The following KANSL1L variants were observed in gnomAD, a reference collection of about 807,000 sequenced individuals.
The protein encoded by KANSL1L is KAT8 regulatory NSL complex subunit 1-like protein.
Under a neutral mutation model 108.6 loss-of-function variants are expected in KANSL1L, and 25 were observed. That is an observed-to-expected ratio of 0.23 (90% CI 0.17 to 0.32). KANSL1L has a LOEUF of 0.32. Among genes scored for constraint, KANSL1L ranks in the 10% least tolerant of loss-of-function variants. The pLI, the probability that KANSL1L is intolerant of heterozygous loss-of-function variation, is 1.00. For synonymous variants in KANSL1L, 405 were observed against 395.1 expected (o/e 1.03, Z -0.30); for missense variants, 1,137 against 1,125.7 (o/e 1.01, Z -0.14).
chr2:210,115,004 T>C (rs2094940929), intron 3 of KANSL1L, among the ~76,000 whole-genome samples: 1 of 151,110 alleles, frequency 6.6e-6, no homozygotes, highest in Non-Finnish European at 1.5e-5. Context: ...CAACTAAACA[T>C]AACAGAAGAC....
intron 2 of KANSL1L, among the ~76,000 whole-genome samples, chr2:210,140,480 T>C (rs1390494809): frequency 2.6e-5 from 4 of 152,210 alleles, no homozygotes; most frequent in African/African-American, 9.6e-5. Flanking sequence ...CATGGATTTA[T>C]TTCTAGGCTC....
intron 10 of KANSL1L, 23 bp downstream of exon 10, chr2:210,029,780 G>C (rs946581803): frequency 1.6e-6 from 2 of 1,214,650 alleles, no homozygotes; most frequent in Non-Finnish European, 2.4e-6. Context: ...CTATTTTAGA[G>C]TTCAACATAT....
intron 1 of KANSL1L, among the ~76,000 whole-genome samples, chr2:210,168,334 G>A (rs1036633687): frequency 2.0e-5 from 3 of 151,768 alleles, no homozygotes; most frequent in Non-Finnish European, 4.4e-5. Flanking sequence ...ACAAAATAAG[G>A]GTATGGAGAG....
intron 1 of KANSL1L, among the ~76,000 whole-genome samples, chr2:210,159,547 C>G (rs181274106): frequency 2.1e-3 from 319 of 152,268 alleles, no homozygotes; most frequent in Non-Finnish European, 3.5e-3. Context: ...AGAATAATGC[C>G]TGGCACACAG....
chr2:210,134,751 T>C (rs2125564989), intron 2 of KANSL1L, among the ~76,000 whole-genome samples: 1 of 152,224 alleles, frequency 6.6e-6, no homozygotes, highest in Admixed American at 6.5e-5. Flanking sequence ...TATTTTCACA[T>C]ATAACTGACA....
At chr2:210,134,040 A>C (rs988024251) in intron 2 of KANSL1L, among the ~76,000 whole-genome samples, 1 of 152,120 alleles carries the variant, frequency 6.6e-6, no homozygotes, top group Admixed American at 6.6e-5. Flanking sequence ...TTCACTGGGC[A>C]GAGAATTTTA....
At chr2:210,145,581 C>T (rs779281300) in intron 2 of KANSL1L, among the ~76,000 whole-genome samples, 12 of 152,128 alleles carry the variant, frequency 7.9e-5, no homozygotes, top group African/African-American at 1.4e-4. Context: ...AGCTCCAGGG[C>T]GCAGGATACA....
chr2:210,171,172 T>TCCG lies in KANSL1L; in HGVS notation c.-56_-54dup, dbSNP rs981059011. On this transcript the variant is annotated 5_prime_UTR_variant, in exon 1 of 15. Transcript: ENST00000281772. Reference sequence around the variant, plus strand: ...GCCTGCTGGGGCGCCCTGGCTCCCCTCCGCCGCCGCACCTTCGGTCCGGCC... The same window carrying TCCG: ...GCCTGCTGGGGCGCCCTGGCTCCCCTCCGCCGCCGCCGCACCTTCGGTCCGGCC... 1.6e-4 allele frequency: 25 copies of TCCG among 154,220 alleles called. No individual in the cohort carries two copies. Among genetic ancestry groups the TCCG allele is most frequent in the South Asian group, 5.3e-4 (3 of 5,656 alleles). The allele number at this position is 154,220 out of a possible 1,614,324, so 9.6% of individuals were successfully genotyped here. A position where few individuals can be genotyped will look rare whatever the true frequency, so the allele number is the denominator to read the frequency against.
chr2:210,107,381 G>T (rs924570445), intron 3 of KANSL1L, among the ~76,000 whole-genome samples: 9 of 151,970 alleles, frequency 5.9e-5, no homozygotes, highest in Admixed American at 5.2e-4. Context: ...TTCTGAGGGT[G>T]AGAAGAATCT....
At chr2:210,033,829 C>T (rs1212663100) in intron 8 of KANSL1L, among the ~76,000 whole-genome samples, 8 of 152,114 alleles carry the variant, frequency 5.3e-5, no homozygotes, top group South Asian at 2.1e-4. Flanking sequence ...TGAGCCACCG[C>T]GCCCGGCCAA....
rs762004974 is a variant in KANSL1L at position 210,023,042 on chromosome 2, T to C, written c.2871A>G (p.Pro957=). The C allele has an allele frequency of 6.2e-7, 1 of 1,613,984 alleles. No individual in the cohort carries two copies. Among genetic ancestry groups the C allele is most frequent in the South Asian group, 1.1e-5 (1 of 91,072 alleles). Residue 957 remains proline, a synonymous_variant, in exon 15 of 15, where the codon CCA becomes CCG. Coordinates refer to ENST00000281772, the MANE Select transcript of KANSL1L (RefSeq NM_152519.4). ...FHGEIFGTSV[P]ENGHHPKKQS... is the part of the protein sequence containing the mutation. Reference sequence around the variant, plus strand: ...GCTTTTTTGGATGGTGGCCATTCTCTGGTACACTGGTACCGAAGATTTCAC... The same window carrying C: ...GCTTTTTTGGATGGTGGCCATTCTCCGGTACACTGGTACCGAAGATTTCAC...
In KANSL1L at chr2:210,055,417, T is replaced by C. The variant is rs577486038; in HGVS notation, c.1756-11313A>G. ...GGATGCCGGAAAATGTGGAAGTGAC[T>C]TTGGAACTGGGTAACAGGAAGAGAC... On this transcript the variant is annotated intron_variant, in intron 6 of 14. Coordinates refer to ENST00000281772, the MANE Select transcript of KANSL1L (RefSeq NM_152519.4). 5.3e-5 allele frequency among the ~76,000 whole-genome samples: 8 copies of C among 152,262 alleles called. No homozygotes were observed. In the South Asian group the frequency reaches 1.7e-3, roughly 32 times the overall value.
At chr2:210,162,230 ATATATATATATATG>A (rs1454307552) in intron 1 of KANSL1L, among the ~76,000 whole-genome samples, 1 of 142,026 alleles carries the variant, frequency 7.0e-6, no homozygotes, top group Non-Finnish European at 1.5e-5. Flanking sequence ...AGGTATATAT[ATATATATATATATG>A]TATATCAATA....
intron 1 of KANSL1L, among the ~76,000 whole-genome samples, chr2:210,156,761 A>G (rs1416505994): frequency 6.6e-6 from 1 of 152,128 alleles, no homozygotes; most frequent in African/African-American, 2.4e-5. Context: ...CATTTTAACT[A>G]CAAAATCTTA....
chr2:210,115,476 A>G (rs556244200), intron 3 of KANSL1L, among the ~76,000 whole-genome samples: 1 of 152,206 alleles, frequency 6.6e-6, no homozygotes, highest in Non-Finnish European at 1.5e-5. Flanking sequence ...CCCAAGGAGT[A>G]AGAAGTCAGT....
intron 1 of KANSL1L, among the ~76,000 whole-genome samples, chr2:210,158,350 C>T (rs2095344679): frequency 6.6e-6 from 1 of 152,122 alleles, no homozygotes; most frequent in African/African-American, 2.4e-5. Flanking sequence ...GAATCTGAGG[C>T]CTGCTAACAG....
chr2:210,152,430 A>G (rs1298744482), intron 2 of KANSL1L: 1 of 152,252 alleles, frequency 6.6e-6, no homozygotes, highest in Non-Finnish European at 1.5e-5. Context: ...AAGATTTCCA[A>G]CATCTCAGAA....
chr2:210,058,873 C>G (rs1384541620), intron 6 of KANSL1L, among the ~76,000 whole-genome samples: 1 of 139,146 alleles, frequency 7.2e-6, no homozygotes, highest in Non-Finnish European at 1.5e-5. Context: ...GGTTTTACGG[C>G]TCAGGGGGCA....
chr2:210,066,364 T>C (rs2094466959), intron 6 of KANSL1L, among the ~76,000 whole-genome samples: 1 of 152,040 alleles, frequency 6.6e-6, no homozygotes, highest in Admixed American at 6.5e-5. Flanking sequence ...TAATAGAAAA[T>C]GGTTTTAAAT....
Sources: allele counts gnomAD v4.1 joint callset (sites outside exome capture counted in the v4.1 genomes callset), GRCh38; gene constraint gnomAD v4.1.1; transcripts MANE v1.5; gene names NCBI Gene and HGNC (gene_info 2026-07-23, HGNC 2026-07-21).